The following PKHD1 variants were observed in gnomAD, a reference collection of about 807,000 sequenced individuals.
PKHD1 encodes PKHD1 ciliary IPT domain containing fibrocystin/polyductin, also known as fibrocystin.
PKHD1 carries 291 observed loss-of-function variants against 412.0 expected under a neutral mutation model. The observed-to-expected ratio is 0.71, with a 90% CI of 0.64 to 0.78. The LOEUF (loss-of-function observed/expected upper bound fraction) is 0.78. Ranked by LOEUF, PKHD1 falls within the 30% of genes least tolerant of loss-of-function variation. The pLI, the probability that PKHD1 is intolerant of heterozygous loss-of-function variation, is 0.00. For synonymous variants in PKHD1, 1,777 were observed against 1,821.5 expected, an observed-to-expected ratio of 0.98 and a Z score of 0.62; for missense variants, 4,825 against 4,950.7, an observed-to-expected ratio of 0.97 and a Z score of 0.76.
intron 43 of PKHD1, among the ~76,000 whole-genome samples, chr6:51,897,490 C>T (rs913057933): frequency 6.7e-6 from 1 of 150,004 alleles, no homozygotes; most frequent in Non-Finnish European, 1.5e-5. Flanking sequence ...ACCAGGCCTG[C>T]CCTAAAAGAG....
At chr6:51,803,254 A>T (rs1763212149) in intron 52 of PKHD1, among the ~76,000 whole-genome samples, 1 of 151,500 alleles carries the variant, frequency 6.6e-6, no homozygotes, top group Admixed American at 6.6e-5. Flanking sequence ...TAACTCCCTT[A>T]AAAGTCTTCT....
chr6:51,693,624 C>G (rs72899359), intron 60 of PKHD1, among the ~76,000 whole-genome samples: 18,945 of 152,112 alleles, frequency 0.12, 1,736 homozygotes, highest in East Asian at 0.32. Context: ...CCCATCCAGC[C>G]CAGCTGGTTC....
Position 52,073,578 on chromosome 6 carries a change from A to G in PKHD1, c.449-37T>C. On this transcript the variant is annotated intron_variant, in intron 6 of 66. Coordinates refer to ENST00000371117, the MANE Select transcript of PKHD1 (RefSeq NM_138694.4). ...AGAATTTTTTTAATTTAATGGACTTAGCTCAAACTCAATGTATAATAAAAA... is the reference window on the plus strand; with the variant it reads ...AGAATTTTTTTAATTTAATGGACTTGGCTCAAACTCAATGTATAATAAAAA... 1.7e-6 allele frequency: 2 copies of G among 1,164,236 alleles called. 1 individual carries two copies. Among genetic ancestry groups the G allele is most frequent in the South Asian group, 2.4e-5 (2 of 81,900 alleles). The allele number at this position is 1,164,236 out of a possible 1,614,324, so 72.1% of individuals were successfully genotyped here. A position where few individuals can be genotyped will look rare whatever the true frequency, so the allele number is the denominator to read the frequency against.
chr6:51,866,136 C>A (rs190167608), intron 48 of PKHD1, among the ~76,000 whole-genome samples: 21 of 152,232 alleles, frequency 1.4e-4, no homozygotes, highest in African/African-American at 4.6e-4. Context: ...GAGGTGAGCA[C>A]ATCAGGGCCA....
In PKHD1 at chr6:51,617,363, C is replaced by T. The variant is rs1766156550; in HGVS notation, c.*1718G>A. The T allele has an allele frequency of 6.6e-6, 1 of 152,140 alleles. No individual in the cohort carries two copies. The highest frequency in any genetic ancestry group is 6.5e-5 in the Admixed American group (1 of 15,278). 9.4% of individuals were successfully genotyped at this position (152,140 alleles called of 1,614,324 possible). On this transcript the variant is annotated 3_prime_UTR_variant, in exon 67 of 67. Coordinates refer to ENST00000371117, the MANE Select transcript of PKHD1 (RefSeq NM_138694.4). ...ATTAAACTAGGGAAGGCATGTTCTG[C>T]CTAAGTCATTCGAGTTTTTTTTTGT...
chr6:52,045,858 A>G (rs1230097674), intron 24 of PKHD1, 146 bp downstream of exon 24: 1 of 674,652 alleles, frequency 1.5e-6, no homozygotes, highest in Non-Finnish European at 2.6e-6. Context: ...ACTTCCAGAA[A>G]GAAAGTTCAT....
intron 35 of PKHD1, among the ~76,000 whole-genome samples, chr6:51,998,690 C>A (rs980167316): frequency 6.6e-6 from 1 of 151,862 alleles, no homozygotes; most frequent in Non-Finnish European, 1.5e-5. Context: ...GTTTTTTTCC[C>A]TTTTTTTAAT....
intron 55 of PKHD1, among the ~76,000 whole-genome samples, chr6:51,755,343 C>A (rs1328775744): frequency 6.6e-6 from 1 of 152,098 alleles, no homozygotes; most frequent in African/African-American, 2.4e-5. Context: ...CATTTTTTGA[C>A]AACTTTGGAC....
At chr6:52,078,816 G>A (rs936886640) in intron 5 of PKHD1, among the ~76,000 whole-genome samples, 4 of 152,142 alleles carry the variant, frequency 2.6e-5, no homozygotes, top group Admixed American at 6.5e-5. Context: ...TAGAGGTGGT[G>A]GTGCAGCTCT....
Position 51,912,476 on chromosome 6 carries a change from A to T in PKHD1, c.6222T>A (p.Asp2074Glu). ...LEDAVDWNPG[D>E]EVVIISGTGV... ...CTGTTCCACTGATGATGACAACTTC[A>T]TCCCCAGGGTTCCAGTCCACAGCAT... The change falls in exon 38 of 67, where the codon GAT becomes GAA. Residue 2074 changes from aspartate (D) to glutamate (E), a missense_variant. Transcript: ENST00000371117. The T allele has an allele frequency of 6.2e-7, 1 of 1,613,142 alleles. No individual in the cohort carries two copies. Among genetic ancestry groups the T allele is most frequent in the Non-Finnish European group, 8.5e-7 (1 of 1,179,288 alleles).
chr6:51,741,025 T>C, intron 60 of PKHD1: 1 of 504,848 alleles, frequency 2.0e-6, no homozygotes. Flanking sequence ...GTCCACACAC[T>C]GATAGTAAAT....
chr6:52,055,587 G>C lies in PKHD1; in HGVS notation c.1836C>G (p.His612Gln). The C allele has an allele frequency of 1.2e-6, 2 of 1,613,966 alleles. No individual in the cohort carries two copies. The highest frequency in any genetic ancestry group is 1.7e-6 in the Non-Finnish European group (2 of 1,179,876). The change falls in exon 19 of 67, where the codon CAC (histidine) becomes CAG (glutamine). Residue 612 changes from histidine to glutamine, a missense_variant and splice_region_variant. Transcript: ENST00000371117. ...CAGAAGCACAAAGACTGCTACTCACGTGTGTATACTGATCTAGCCGATAGC... is the reference window on the plus strand; with the variant it reads ...CAGAAGCACAAAGACTGCTACTCACCTGTGTATACTGATCTAGCCGATAGC... ...QKGYRLDQYT[H>Q]LCLAYKGHMN...
chr6:52,050,239 A>C lies in PKHD1; in HGVS notation c.2197T>G (p.Ser733Ala), dbSNP rs769038380. 12 of 1,614,078 alleles carry C rather than the reference A, an allele frequency of 7.4e-6. No homozygotes were observed. The highest frequency in any genetic ancestry group is 6.7e-5 in the African/African-American group (5 of 74,952). ...RPGGNLVESV[S>A]VVGSPPVYSV... ...TAGACCGGAGGGGATCCCACCACAGAGACTGATTCCACCAGATTGCCCCCT... is the reference window on the plus strand; with the variant it reads ...TAGACCGGAGGGGATCCCACCACAGCGACTGATTCCACCAGATTGCCCCCT... Residue 733 changes from serine to alanine, a missense_variant, in exon 22 of 67, where the codon TCT becomes GCT. Ser to Ala is a moderately conservative substitution (Grantham distance 99). Transcript: ENST00000371117.
intron 48 of PKHD1, among the ~76,000 whole-genome samples, chr6:51,860,537 T>C (rs1457064186): frequency 6.6e-6 from 1 of 152,170 alleles, no homozygotes; most frequent in Non-Finnish European, 1.5e-5. Flanking sequence ...CAAAAGTATT[T>C]CTAATTTGGA....
intron 66 of PKHD1, among the ~76,000 whole-genome samples, chr6:51,620,802 A>ATATATATATATG (rs1766519386): frequency 7.1e-6 from 1 of 141,556 alleles, no homozygotes; most frequent in Non-Finnish European, 1.5e-5. Flanking sequence ...ATATATATGT[A>ATATATATATATG]TATATATATA....
intron 46 of PKHD1, 102 bp downstream of exon 46, chr6:51,882,991 A>G: frequency 1.2e-6 from 1 of 857,228 alleles, no homozygotes; most frequent in Non-Finnish European, 1.9e-6. Context: ...GAGATTCACT[A>G]AAGAATGCTA....
At position 51,632,635 on chromosome 6, in the gene PKHD1, C is replaced by T. The variant is rs1206496175; in HGVS notation, c.11595G>A (p.Leu3865=). ...EKSTIILAAS[L]SSVASWLALS... ...GAGCCAGCCATGAGGCCACAGAGGA[C>T]AGGGAAGCAGCCAGGATGATGGTCG... The change falls in exon 65 of 67, where the codon CTG becomes CTA. Residue 3865 remains leucine (L), a synonymous_variant. Coordinates refer to ENST00000371117, the MANE Select transcript of PKHD1 (RefSeq NM_138694.4). 6.2e-7 allele frequency: 1 copy of T among 1,613,456 alleles called. No individual in the cohort carries two copies. The highest frequency in any genetic ancestry group is 1.7e-5 in the Admixed American group (1 of 59,936).
chr6:51,666,640 C>T (rs900174545), intron 60 of PKHD1, among the ~76,000 whole-genome samples: 1 of 151,376 alleles, frequency 6.6e-6, no homozygotes, highest in African/African-American at 2.4e-5. Flanking sequence ...GTGCGCTGCA[C>T]CCACTAACTC....
intron 35 of PKHD1, among the ~76,000 whole-genome samples, chr6:52,001,981 C>T (rs942748743): frequency 2.6e-5 from 4 of 152,154 alleles, no homozygotes; most frequent in African/African-American, 9.7e-5. Context: ...GGCACATTTC[C>T]AGGGCTGTCT....
Sources: allele counts gnomAD v4.1 joint callset (sites outside exome capture counted in the v4.1 genomes callset), GRCh38; gene constraint gnomAD v4.1.1; transcripts MANE v1.5; gene names NCBI Gene and HGNC (gene_info 2026-07-23, HGNC 2026-07-21).